The following CCND3 variants were observed in gnomAD, a reference collection of about 807,000 sequenced individuals.
CCND3 encodes the protein G1/S-specific cyclin-D3.
CCND3 carries 9 observed loss-of-function variants against 28.7 expected under a neutral mutation model. The observed-to-expected ratio is 0.31, with a 90% CI of 0.19 to 0.55. The LOEUF is 0.55. Ranked by LOEUF, CCND3 falls within the 20% of genes least tolerant of loss-of-function variation. The pLI, the probability that CCND3 is intolerant of heterozygous loss-of-function variation, is 0.93. For synonymous variants in CCND3, 164 were observed against 163.9 expected, an observed-to-expected ratio of 1.00 and a Z score of 0.00; for missense variants, 315 against 385.8, an observed-to-expected ratio of 0.82 and a Z score of 1.54.
intron 1 of CCND3, among the ~76,000 whole-genome samples, chr6:41,996,147 G>T (rs202058152): frequency 0.023 from 2,991 of 131,084 alleles, 71 homozygotes; most frequent in African/African-American, 0.058. Flanking sequence ...TATTTTTTTT[G>T]TTTGTTTGTT....
upstream of CCND3, among the ~76,000 whole-genome samples, chr6:41,943,747 T>C (rs1561954496): frequency 6.6e-6 from 1 of 152,220 alleles, no homozygotes; most frequent in Non-Finnish European, 1.5e-5. Context: ...TCATTACATA[T>C]CTATTTTTCA....
At chr6:41,979,120 G>A (rs1471680365) in intron 1 of CCND3, among the ~76,000 whole-genome samples, 3 of 128,106 alleles carry the variant, frequency 2.3e-5, no homozygotes, top group African/African-American at 6.0e-5. Context: ...TCAGTGAGCC[G>A]AGATCACACC....
chr6:42,019,739 T>C (rs1322244855), intron 1 of CCND3, among the ~76,000 whole-genome samples: 2 of 152,158 alleles, frequency 1.3e-5, no homozygotes, highest in Non-Finnish European at 2.9e-5. Flanking sequence ...ATTTTCTTCC[T>C]ATTTGTAATG....
At chr6:42,019,712 GC>G (rs1245983072) in intron 1 of CCND3, among the ~76,000 whole-genome samples, 1 of 151,966 alleles carries the variant, frequency 6.6e-6, no homozygotes, top group Non-Finnish European at 1.5e-5. Context: ...AATGATTGGG[GC>G]GGAATTTAAA....
intron 1 of CCND3, among the ~76,000 whole-genome samples, chr6:42,044,532 G>A (rs965292116): frequency 2.0e-5 from 3 of 152,148 alleles, no homozygotes; most frequent in Non-Finnish European, 2.9e-5. Context: ...GCTGGCAGAG[G>A]CCCCTCTTAT....
chr6:41,940,954 G>T (rs771632649), intron 1 of CCND3: 1 of 1,612,746 alleles, frequency 6.2e-7, no homozygotes, highest in South Asian at 1.1e-5. Flanking sequence ...GCACACACCC[G>T]AGGGGAAGGG....
chr6:41,960,264 T>C (rs1474409173), intron 1 of CCND3, among the ~76,000 whole-genome samples: 1 of 152,138 alleles, frequency 6.6e-6, no homozygotes, highest in Non-Finnish European at 1.5e-5. Context: ...TGCTAATGGG[T>C]CCCAAGTGTC....
At chr6:41,952,722 C>G (rs545951532) in intron 1 of CCND3, among the ~76,000 whole-genome samples, 1 of 152,166 alleles carries the variant, frequency 6.6e-6, no homozygotes, top group Non-Finnish European at 1.5e-5. Context: ...AGTGGCAGAG[C>G]TGGGACTCCA....
At chr6:42,037,552 C>T (rs1431085918) in intron 1 of CCND3, among the ~76,000 whole-genome samples, 2 of 151,898 alleles carry the variant, frequency 1.3e-5, no homozygotes, top group African/African-American at 4.8e-5. Flanking sequence ...AATTACAATG[C>T]TTATGTTAAC....
At chr6:42,014,141 G>A (rs1245112094) in intron 1 of CCND3, among the ~76,000 whole-genome samples, 4 of 151,506 alleles carry the variant, frequency 2.6e-5, no homozygotes, top group African/African-American at 4.9e-5. Flanking sequence ...CAAGGCGGGT[G>A]GATCACGAGG....
At chr6:42,020,716 C>A (rs1200073802) in intron 1 of CCND3, among the ~76,000 whole-genome samples, 5 of 152,244 alleles carry the variant, frequency 3.3e-5, no homozygotes, top group African/African-American at 1.2e-4. Context: ...CACTCCAAGA[C>A]TTCATGAGCA....
chr6:42,010,366 A>G lies in CCND3; in HGVS notation c.-46+38135T>C, dbSNP rs1763306113. On this transcript the variant is annotated intron_variant, in intron 1 of 4. Coordinates refer to the CCND3 transcript ENST00000372988. The stretch of plus-strand genomic sequence containing the variant: ...CTGCAGCATGGAGGACAGAGTAGGG[A>G]GTGAAGCTTTTGAATGAGGGGGAGG... 3.3e-5 allele frequency among the ~76,000 whole-genome samples: 5 copies of G among 151,976 alleles called. No homozygotes were observed. The South Asian group carries it at 1.0e-3, about 32-fold the overall frequency.
chr6:41,936,576 T>A lies in CCND3; in HGVS notation c.694A>T (p.Ile232Phe), dbSNP rs764685775. Residue 232 changes from isoleucine (I) to phenylalanine (F), a missense_variant, in exon 4 of 5, where the codon ATC (isoleucine) becomes TTC (phenylalanine). By Grantham distance (21) the Ile-to-Phe change is conservative. Coordinates refer to ENST00000372991, the MANE Select transcript of CCND3 (RefSeq NM_001760.5). The surrounding 1 kb of genome is among the most constrained non-coding windows in gnomAD (Gnocchi z 4.4). ...GDELTELLAGITGTEVDCLRA... is the reference protein window; with the variant it reads ...GDELTELLAGFTGTEVDCLRA... ...GCACTCACCACTTCAGTGCCAGTGATCCCTGCCAGCAGCTCTGTGAGCTCA... is the reference window on the plus strand; with the variant it reads ...GCACTCACCACTTCAGTGCCAGTGAACCCTGCCAGCAGCTCTGTGAGCTCA... 11 of 1,614,126 alleles carry A rather than the reference T, an allele frequency of 6.8e-6. No individual in the cohort carries two copies. Among genetic ancestry groups the A allele is most frequent in the Non-Finnish European group, 9.3e-6 (11 of 1,180,008 alleles).
intron 1 of CCND3, among the ~76,000 whole-genome samples, chr6:42,020,414 C>T (rs1262118338): frequency 6.6e-6 from 1 of 152,224 alleles, no homozygotes; most frequent in African/African-American, 2.4e-5. Flanking sequence ...CTCTGTCCTC[C>T]CTTGCTCCAC....
At chr6:41,943,447 A>G (rs9381100), upstream of CCND3, among the ~76,000 whole-genome samples, 37,416 of 152,120 alleles carry the variant, frequency 0.25, 4,799 homozygotes, top group Middle Eastern at 0.3. Flanking sequence ...ATTCTAGGAC[A>G]TAATTTGTAA....
chr6:41,940,957 G>A, intron 1 of CCND3: 1 of 1,612,880 alleles, frequency 6.2e-7, no homozygotes, highest in Non-Finnish European at 8.5e-7. Context: ...CACACCCGAG[G>A]GGAAGGGAGG....
intron 1 of CCND3, among the ~76,000 whole-genome samples, chr6:42,000,170 T>C (rs1469380151): frequency 6.8e-6 from 1 of 147,962 alleles, no homozygotes; most frequent in African/African-American, 2.5e-5. Context: ...ATAGAGATTA[T>C]ATTAAAGGAC....
intron 1 of CCND3, among the ~76,000 whole-genome samples, chr6:41,961,971 A>G (rs1761730222): frequency 6.6e-6 from 1 of 152,132 alleles, no homozygotes; most frequent in Admixed American, 6.6e-5. Context: ...AATACTTCCA[A>G]AATGTCTCTG....
upstream of CCND3, chr6:41,941,981 C>G (rs1300428241): frequency 1.2e-5 from 2 of 165,544 alleles, no homozygotes; most frequent in Non-Finnish European, 2.6e-5. The surrounding 1 kb of genome is among the most constrained non-coding windows in gnomAD (Gnocchi z 6.1). Context: ...CCGGGCACTC[C>G]AGGCCCTCTG....
Sources: allele counts gnomAD v4.1 joint callset (sites outside exome capture counted in the v4.1 genomes callset), GRCh38; gene constraint gnomAD v4.1.1; non-coding constraint Gnocchi (gnomAD v3.1); transcripts MANE v1.5; gene names NCBI Gene and HGNC (gene_info 2026-07-23, HGNC 2026-07-21).